The following RBM10 variants were observed in gnomAD, a reference collection of about 807,000 sequenced individuals.
RBM10 encodes RNA-binding protein 10.
A neutral mutation model predicts 84.9 loss-of-function variants in RBM10; 1 was observed. That is an observed-to-expected ratio of 0.01 (90% CI 0.00 to 0.06). The LOEUF is 0.06. RBM10 is among the 10% of genes least tolerant of loss of function. The pLI, the probability that RBM10 is intolerant of heterozygous loss-of-function variation, is 1.00. For synonymous variants in RBM10, 326 were observed against 344.5 expected (o/e 0.95, Z 0.60); for missense variants, 438 against 839.0 (o/e 0.52, Z 5.90).
intron 2 of RBM10, among the ~76,000 whole-genome samples, chrX:47,164,887 C>T (rs782312445): frequency 1.8e-5 from 2 of 112,064 alleles, no homozygotes; most frequent in African/African-American, 3.2e-5. Context: ...CAAGTGTGCA[C>T]GAACAGATGA....
At chrX:47,181,169 C>G (rs1935498826) in intron 12 of RBM10, 46 bp from the exon 13 acceptor site, 1 of 229,557 alleles carries the variant, frequency 4.4e-6, no homozygotes, top group East Asian at 1.6e-4. Flanking sequence ...CACCCCCCAC[C>G]CCCACACCTT....
rs951081588 is a variant in RBM10 at position 47,172,994 on chromosome X, A to G, written c.433-134A>G. 1.4e-5 allele frequency: 16 copies of G among 1,152,285 alleles called. No individual in the cohort carries two copies. The African/African-American group carries it at 2.9e-4, about 21-fold the overall frequency. 95.0% of individuals were successfully genotyped at this position (1,152,285 alleles called of 1,213,427 possible). A position where few individuals can be genotyped will look rare whatever the true frequency, so the allele number is the denominator to read the frequency against. On this transcript the variant is annotated intron_variant, in intron 4 of 23. Transcript: ENST00000377604. ...CTGGGGCTGTTGTCACTCAGGGAAAAGCTGCGAAAGAGGCGGAGGAGACTG... is the reference window on the plus strand; with the variant it reads ...CTGGGGCTGTTGTCACTCAGGGAAAGGCTGCGAAAGAGGCGGAGGAGACTG...
intron 17 of RBM10, among the ~76,000 whole-genome samples, chrX:47,183,250 G>A (rs1467205193): frequency 3.6e-5 from 4 of 112,294 alleles, no homozygotes; most frequent in South Asian, 7.3e-4. Flanking sequence ...GCCGGGAGCC[G>A]TGGCTCATGC....
intron 2 of RBM10, among the ~76,000 whole-genome samples, chrX:47,160,441 A>T (rs1282342303): frequency 8.9e-6 from 1 of 112,195 alleles, no homozygotes; most frequent in South Asian, 3.6e-4. Context: ...TGGGCAAAGG[A>T]CATGAACAGA....
intron 9 of RBM10, 110 bp downstream of exon 9, chrX:47,179,605 G>A: frequency 1.3e-5 from 12 of 916,603 alleles, no homozygotes; most frequent in Non-Finnish European, 1.8e-5. Context: ...TCTCCACTTG[G>A]TGCGGGGATA....
At chrX:47,157,569 T>A in intron 2 of RBM10, 2 of 448,983 alleles carry the variant, frequency 4.5e-6, no homozygotes, top group South Asian at 5.9e-5. Context: ...TTTGCAGGAC[T>A]TGGAGCGGTC....
chrX:47,179,787 T>C (rs1935392305), intron 9 of RBM10, 93 bp from the exon 10 acceptor site: 1 of 1,056,624 alleles, frequency 9.5e-7, no homozygotes, highest in Non-Finnish European at 1.3e-6. Context: ...ACGGAGTGAG[T>C]GGGGGCAGAG....
chrX:47,157,937 G>A, intron 2 of RBM10: 1 of 232,531 alleles, frequency 4.3e-6, no homozygotes, highest in Non-Finnish European at 7.8e-6. Context: ...TTGCCACTAC[G>A]GCTAGTTTTT....
chrX:47,165,889 G>A (rs1215178368), intron 2 of RBM10, among the ~76,000 whole-genome samples: 4 of 109,906 alleles, frequency 3.6e-5, no homozygotes, highest in Non-Finnish European at 5.7e-5. Context: ...GCGTGGCTGC[G>A]TGCATCTATA....
intron 2 of RBM10, 111 bp from the exon 3 acceptor site, chrX:47,169,204 G>A: frequency 1.5e-6 from 1 of 667,261 alleles, no homozygotes; most frequent in Non-Finnish European, 2.3e-6. Flanking sequence ...CACTTCTGTT[G>A]TATGCTCCTC....
intron 21 of RBM10, 75 bp downstream of exon 21, chrX:47,185,865 T>G: frequency 1.7e-6 from 2 of 1,186,300 alleles, no homozygotes; most frequent in South Asian, 3.7e-5. Flanking sequence ...CAGCTGGAGT[T>G]CAATTTCTCA....
chrX:47,182,187 A>G lies in RBM10; in HGVS notation c.1811A>G (p.Gln604Arg). Residue 604 changes from glutamine to arginine, a missense_variant, in exon 17 of 24, where the codon CAG (glutamine) becomes CGG (arginine). Gln to Arg is a conservative substitution (Grantham distance 43, BLOSUM62 1). Coordinates refer to ENST00000377604, the MANE Select transcript of RBM10 (RefSeq NM_005676.5). ...SQYYYNAQSQ[Q>R]YLYWDGERRT... Reference sequence around the variant, plus strand: ...TATTACTACAATGCTCAGAGCCAGCAGTACCTGTACTGGGATGGGGAGAGG... The same window carrying G: ...TATTACTACAATGCTCAGAGCCAGCGGTACCTGTACTGGGATGGGGAGAGG... 8.3e-7 allele frequency: 1 copy of G among 1,212,069 alleles called. No homozygotes were observed. Among genetic ancestry groups the G allele is most frequent in the African/African-American group, 1.7e-5 (1 of 57,856 alleles).
intron 9 of RBM10, 85 bp from the exon 10 acceptor site, chrX:47,179,795 G>A: frequency 9.3e-7 from 1 of 1,080,923 alleles, no homozygotes; most frequent in Non-Finnish European, 1.3e-6. Flanking sequence ...AGTGGGGGCA[G>A]AGGAAAGGGA....
intron 4 of RBM10, 112 bp from the exon 5 acceptor site, chrX:47,173,016 A>G: frequency 8.5e-7 from 1 of 1,180,739 alleles, no homozygotes; most frequent in Non-Finnish European, 1.1e-6. Flanking sequence ...GGCGGAGGAG[A>G]CTGTGTGCAC....
chrX:47,169,246 A>G (rs2147126680), intron 2 of RBM10, 69 bp from the exon 3 acceptor site: 1 of 1,065,924 alleles, frequency 9.4e-7, no homozygotes. Flanking sequence ...AGAACACATC[A>G]CCTGGGCCTC....
At chrX:47,163,859 ATT>A (rs35919377) in intron 2 of RBM10, among the ~76,000 whole-genome samples, 5 of 40,104 alleles carry the variant, frequency 1.2e-4, no homozygotes, top group African/African-American at 8.0e-4. Context: ...CGCCTGGCTA[ATT>A]TTTTTTTTTT....
intron 2 of RBM10, among the ~76,000 whole-genome samples, chrX:47,155,203 G>A (rs1933002695): frequency 9.2e-6 from 1 of 108,738 alleles, no homozygotes; most frequent in Non-Finnish European, 1.9e-5. Flanking sequence ...GTGGGGACAG[G>A]GACTTTATTT....
At chrX:47,164,802 A>G (rs1934042544) in intron 2 of RBM10, among the ~76,000 whole-genome samples, 1 of 112,377 alleles carries the variant, frequency 8.9e-6, no homozygotes, top group Non-Finnish European at 1.9e-5. Context: ...CAATAATTCA[A>G]ACAGATACTT....
Position 47,179,504 on chromosome X carries a change from G to A in RBM10, c.901+9G>A, listed in dbSNP as rs782328977. 8.4e-7 allele frequency: 1 copy of A among 1,197,186 alleles called. No individual in the cohort carries two copies. Among genetic ancestry groups the A allele is most frequent in the South Asian group, 1.8e-5 (1 of 56,320 alleles). ...AGAGAACGCCAATGACAGTGAGTCA[G>A]TTGTTCCTTCTTCCTCTGTGCCCTA... is the stretch of plus-strand genomic sequence containing the variant. On this transcript the variant is annotated intron_variant, in intron 9 of 23. Coordinates refer to ENST00000377604, the MANE Select transcript of RBM10 (RefSeq NM_005676.5).
Sources: gnomAD v4.1 joint callset for allele counts (sites outside exome capture counted in the v4.1 genomes callset) on GRCh38, gnomAD v4.1.1 for gene constraint, MANE v1.5 for transcripts, NCBI Gene and HGNC (gene_info 2026-07-23, HGNC 2026-07-21) for gene names.